KANK2: variants seen among roughly 807,000 people sequenced by gnomAD.
KANK2 encodes the protein KN motif and ankyrin repeat domain-containing protein 2.
Under a neutral mutation model 74.6 loss-of-function variants are expected in KANK2, and 41 were observed. The observed-to-expected ratio is 0.55, with a 90% CI of 0.43 to 0.71. KANK2 has a LOEUF of 0.71. KANK2 is among the 30% of genes least tolerant of loss of function. KANK2 has a pLI of 0.00. For synonymous variants in KANK2, 537 were observed against 519.0 expected, an observed-to-expected ratio of 1.03 and a Z score of -0.47; for missense variants, 1,148 against 1,196.4, an observed-to-expected ratio of 0.96 and a Z score of 0.60.
At chr19:11,182,217 G>A (rs2078541405) in intron 4 of KANK2, among the ~76,000 whole-genome samples, 2 of 151,674 alleles carry the variant, frequency 1.3e-5, no homozygotes, top group Non-Finnish European at 1.5e-5. Context: ...CGCCCGGCCA[G>A]ATGCCAAATT....
At chr19:11,188,349 C>T (rs1032203946) in intron 4 of KANK2, among the ~76,000 whole-genome samples, 4 of 151,928 alleles carry the variant, frequency 2.6e-5, no homozygotes, top group African/African-American at 9.7e-5. Context: ...GCTGGGATTA[C>T]AGGTGTGTGC....
At chr19:11,197,548 A>AGCCTGGGC (rs1268428127), upstream of KANK2, 3 of 151,550 alleles carry the variant, frequency 2.0e-5, no homozygotes, top group African/African-American at 7.3e-5. Context: ...CGCGCGCCGC[A>AGCCTGGGC]GCCTGGGCGC....
intron 4 of KANK2, among the ~76,000 whole-genome samples, chr19:11,180,311 TC>T (rs1424738091): frequency 6.6e-6 from 1 of 152,076 alleles, no homozygotes; most frequent in Admixed American, 6.6e-5. Flanking sequence ...TCCAGGCTGC[TC>T]TAGAACTCCA....
chr19:11,186,689 A>C (rs1347837104), intron 4 of KANK2, among the ~76,000 whole-genome samples: 4 of 152,120 alleles, frequency 2.6e-5, no homozygotes, highest in Non-Finnish European at 4.4e-5. Context: ...ACAGGAGTGA[A>C]ACTCTGTCTC....
At chr19:11,189,274 C>T (rs1172098097) in intron 4 of KANK2, among the ~76,000 whole-genome samples, 1 of 151,874 alleles carries the variant, frequency 6.6e-6, no homozygotes. Context: ...CATATTAAAG[C>T]CTCACATTAT....
chr19:11,190,729 C>T (rs770942956), intron 4 of KANK2, among the ~76,000 whole-genome samples: 20 of 144,164 alleles, frequency 1.4e-4, no homozygotes, highest in African/African-American at 5.1e-4. Context: ...TCCAGAAGAA[C>T]AGCTGTCATT....
At chr19:11,183,442 G>A (rs984222383) in intron 4 of KANK2, among the ~76,000 whole-genome samples, 2 of 152,190 alleles carry the variant, frequency 1.3e-5, no homozygotes, top group African/African-American at 2.4e-5. Context: ...GCTAAAGGGA[G>A]ATAATGTAGC....
At chr19:11,189,259 A>G (rs1467225658) in intron 4 of KANK2, among the ~76,000 whole-genome samples, 1 of 151,992 alleles carries the variant, frequency 6.6e-6, no homozygotes, top group African/African-American at 2.4e-5. Context: ...GCCTGGCTGA[A>G]TTGACATATT....
At chr19:11,192,431 C>CTTTTTT (rs34285924) in intron 4 of KANK2, 13 of 159,948 alleles carry the variant, frequency 8.1e-5, no homozygotes, top group Admixed American at 3.5e-4. Context: ...CCTTGGCATT[C>CTTTTTT]TTTTTTTTTT....
intron 6 of KANK2, among the ~76,000 whole-genome samples, chr19:11,177,651 C>T (rs772984206): frequency 1.3e-5 from 2 of 152,178 alleles, no homozygotes; most frequent in Non-Finnish European, 2.9e-5. Flanking sequence ...CGCGCCCGGC[C>T]ACTTCTAGCC....
At chr19:11,174,766 C>G (rs1715800480) in intron 8 of KANK2, 74 bp from the exon 9 acceptor site, 1 of 1,225,880 alleles carries the variant, frequency 8.2e-7, no homozygotes, top group Admixed American at 2.0e-5. Context: ...CCCAGATGCG[C>G]CCCCGGAGCA....
At chr19:11,171,559 T>G (rs371964284) in intron 10 of KANK2, among the ~76,000 whole-genome samples, 96 of 114,380 alleles carry the variant, frequency 8.4e-4, no homozygotes, top group Middle Eastern at 4.0e-3. Flanking sequence ...GAGGTGGGGG[T>G]GGGGGGGTGT....
At chr19:11,191,327 C>T (rs892320019) in intron 4 of KANK2, among the ~76,000 whole-genome samples, 2 of 152,254 alleles carry the variant, frequency 1.3e-5, no homozygotes, top group African/African-American at 4.8e-5. Context: ...GCGTGAGCCA[C>T]TGCGCCCGGC....
chr19:11,173,252 A>G, intron 9 of KANK2, 129 bp from the exon 10 acceptor site: 2 of 919,964 alleles, frequency 2.2e-6, no homozygotes, highest in Non-Finnish European at 3.2e-6. Flanking sequence ...AGAGGACCCC[A>G]CTCTGCCCTA....
chr19:11,194,821 C>T (rs2147641041), intron 2 of KANK2: 1 of 298,956 alleles, frequency 3.3e-6, no homozygotes, highest in Non-Finnish European at 6.7e-6. Context: ...TCTGTCCAGG[C>T]CCTGGACAGG....
chr19:11,179,110 G>A (rs1210752647), intron 4 of KANK2, among the ~76,000 whole-genome samples: 1 of 151,766 alleles, frequency 6.6e-6, no homozygotes, highest in Non-Finnish European at 1.5e-5. Context: ...GAGATCAGAA[G>A]TTCGAGACCA....
chr19:11,168,005 G>GTT (rs528176321), intron 12 of KANK2, among the ~76,000 whole-genome samples: 18 of 115,032 alleles, frequency 1.6e-4, no homozygotes, highest in South Asian at 9.0e-4. Context: ...CCACGTCCTT[G>GTT]TTTTTTTTTT....
intron 4 of KANK2, among the ~76,000 whole-genome samples, chr19:11,188,114 C>T (rs1195354896): frequency 1.3e-5 from 2 of 152,076 alleles, no homozygotes; most frequent in Non-Finnish European, 2.9e-5. Flanking sequence ...ATAAGTAATA[C>T]AAGAGAAGTG....
intron 4 of KANK2, among the ~76,000 whole-genome samples, chr19:11,190,691 C>T (rs2147594991): frequency 6.6e-6 from 1 of 152,280 alleles, no homozygotes; most frequent in South Asian, 2.1e-4. Context: ...AGTTTGAACG[C>T]ACCTGGCAGA....
Sources: gnomAD v4.1 joint callset for allele counts (sites outside exome capture counted in the v4.1 genomes callset) on GRCh38, gnomAD v4.1.1 for gene constraint, MANE v1.5 for transcripts, NCBI Gene and HGNC (gene_info 2026-07-23, HGNC 2026-07-21) for gene names.